Variants in TIGAR observed in about 807,000 individuals in gnomAD.
TIGAR encodes fructose-2,6-bisphosphatase TIGAR.
A neutral mutation model predicts 17.9 loss-of-function variants in TIGAR; 7 were observed. The ratio of observed to expected loss-of-function variants is 0.39; its 90% CI spans 0.22 to 0.73. The LOEUF is 0.73. TIGAR is among the 30% of genes least tolerant of loss of function. TIGAR has a pLI of 0.42. For missense variants in TIGAR, 258 were observed against 327.4 expected, an observed-to-expected ratio of 0.79 and a Z score of 1.64; for synonymous variants, 94 against 108.6, an observed-to-expected ratio of 0.87 and a Z score of 0.84.
chr12:4,354,825 G>A lies in TIGAR; in HGVS notation c.*2134G>A, dbSNP rs1029280293. Among the ~76,000 whole-genome samples, 6 of 149,022 alleles carry A rather than the reference G, an allele frequency of 4.0e-5. No individual in the cohort carries two copies. The highest frequency in any genetic ancestry group is 7.4e-5 in the Non-Finnish European group (5 of 67,558). On this transcript the variant is annotated 3_prime_UTR_variant, in exon 6 of 6. Transcript: ENST00000179259. ...TGGCTCACTGCAACCTCCACCTCTC[G>A]GGTTCAAGCAATTCTTGTGCCTCAG...
In TIGAR at chr12:4,337,194, G is replaced by A. The variant is rs763808613; in HGVS notation, c.192+34G>A. 15 of 1,542,634 alleles carry A rather than the reference G, an allele frequency of 9.7e-6. No individual in the cohort carries two copies. In the Admixed American group the frequency reaches 1.4e-4, roughly 14 times the overall value. Reference sequence around the variant, plus strand: ...ATTTATTTATTTATTTTGAGACAGAGCGTCACTCTATGCCCAGGCTGGAGT... The same window carrying A: ...ATTTATTTATTTATTTTGAGACAGAACGTCACTCTATGCCCAGGCTGGAGT... On this transcript the variant is annotated intron_variant, in intron 3 of 5. Transcript: ENST00000179259.
Position 4,321,389 on chromosome 12 carries a change from T to G in TIGAR, c.32+86T>G. ...TGAAGGGAAAACGGGTCCACCACCC[T>G]CTCCCCTCCCTGCTCGCTCCAGCCC... On this transcript the variant is annotated intron_variant, in intron 1 of 5. Coordinates refer to ENST00000179259, the MANE Select transcript of TIGAR (RefSeq NM_020375.3). This position sits in a 1 kb window ranked among gnomAD's most constrained non-coding sequence, Gnocchi z 5.2. 2 of 1,566,272 alleles carry G rather than the reference T, an allele frequency of 1.3e-6. No homozygotes were observed. Among genetic ancestry groups the G allele is most frequent in the Admixed American group, 3.4e-5 (2 of 59,248 alleles).
chr12:4,329,741 C>T (rs2120652812), intron 1 of TIGAR, among the ~76,000 whole-genome samples: 1 of 152,240 alleles, frequency 6.6e-6, no homozygotes, highest in South Asian at 2.1e-4. Context: ...TTCCAGATGA[C>T]CCTCCCTAGG....
At chr12:4,344,713 A>G (rs1462688764) in intron 3 of TIGAR, among the ~76,000 whole-genome samples, 2 of 152,174 alleles carry the variant, frequency 1.3e-5, no homozygotes, top group African/African-American at 4.8e-5. Context: ...TTAGATATTG[A>G]TGGGAGCTCT....
At chr12:4,324,584 C>G (rs1864518054) in intron 1 of TIGAR, 1 of 1,599,220 alleles carries the variant, frequency 6.3e-7, no homozygotes, top group Non-Finnish European at 8.5e-7. Flanking sequence ...TGCGTCTTCA[C>G]CACTTCCGGC....
At chr12:4,328,553 T>C (rs1399560209) in intron 1 of TIGAR, among the ~76,000 whole-genome samples, 4 of 151,740 alleles carry the variant, frequency 2.6e-5, no homozygotes, top group African/African-American at 9.7e-5. Flanking sequence ...GTTGGTTTTT[T>C]ACCAAGGTAT....
At chr12:4,350,084 C>G (rs147759055) in intron 4 of TIGAR, among the ~76,000 whole-genome samples, 188 bp downstream of exon 4, 1 of 152,014 alleles carries the variant, frequency 6.6e-6, no homozygotes, top group Non-Finnish European at 1.5e-5. Flanking sequence ...TAAAATCAAA[C>G]GAGACAAGCA....
intron 2 of TIGAR, among the ~76,000 whole-genome samples, chr12:4,334,742 A>G (rs1436614263): frequency 6.6e-6 from 1 of 152,220 alleles, no homozygotes; most frequent in Non-Finnish European, 1.5e-5. Context: ...TAGTGGCTTC[A>G]GTCGGTACAC....
At chr12:4,348,247 G>A (rs1864802265) in intron 3 of TIGAR, among the ~76,000 whole-genome samples, 1 of 152,158 alleles carries the variant, frequency 6.6e-6, no homozygotes, top group African/African-American at 2.4e-5. Context: ...GAGAATGGGA[G>A]GAAGAGGTGA....
chr12:4,327,965 C>T (rs911371363), intron 1 of TIGAR, among the ~76,000 whole-genome samples: 5 of 152,036 alleles, frequency 3.3e-5, no homozygotes, highest in East Asian at 3.9e-4. Flanking sequence ...CGCGCCCAGC[C>T]GAGGATGTTA....
intron 3 of TIGAR, among the ~76,000 whole-genome samples, chr12:4,342,346 G>GCA (rs1331598225): frequency 6.6e-6 from 1 of 152,168 alleles, no homozygotes; most frequent in Non-Finnish European, 1.5e-5. Context: ...CCCCAACCTA[G>GCA]CAAGGCAGGC....
Position 4,334,754 on chromosome 12 carries a change from C to G in TIGAR, c.71-2285C>G, listed in dbSNP as rs183387876. Among the ~76,000 whole-genome samples, 349 of 152,320 alleles carry G rather than the reference C, an allele frequency of 2.3e-3. 2 individuals carry two copies. Among genetic ancestry groups the G allele is most frequent in the Middle Eastern group, 0.014 (4 of 294 alleles). ...ACATAGTGGCTTCAGTCGGTACACACTTGTAACTGATGATTCTCTCAGCAC... is the reference window on the plus strand; with the variant it reads ...ACATAGTGGCTTCAGTCGGTACACAGTTGTAACTGATGATTCTCTCAGCAC... On this transcript the variant is annotated intron_variant, in intron 2 of 5. Transcript: ENST00000179259.
chr12:4,350,288 C>T (rs1864824199), intron 4 of TIGAR, among the ~76,000 whole-genome samples: 1 of 152,074 alleles, frequency 6.6e-6, no homozygotes, highest in Non-Finnish European at 1.5e-5. Context: ...TTATTGTAGA[C>T]CTATATATTT....
chr12:4,351,723 C>T (rs1864839993), intron 5 of TIGAR, among the ~76,000 whole-genome samples: 1 of 152,196 alleles, frequency 6.6e-6, no homozygotes, highest in East Asian at 1.9e-4. Flanking sequence ...CAAGCCTCTG[C>T]TGCCTCCTCA....
At position 4,353,259 on chromosome 12, in the gene TIGAR, T is replaced by C. The variant is rs373227378; in HGVS notation, c.*568T>C. The C allele has an allele frequency of 6.6e-6, 1 of 152,400 alleles. No individual in the cohort carries two copies. The highest frequency in any genetic ancestry group is 1.9e-4 in the East Asian group (1 of 5,204). The allele number at this position is 152,400 out of a possible 1,614,324, so 9.4% of individuals were successfully genotyped here. The stretch of plus-strand genomic sequence containing the variant: ...TTGAAATGTGGATGAATACAGATTA[T>C]GATTGCAGAATGGTCTGGGGGAAGA... On this transcript the variant is annotated 3_prime_UTR_variant, in exon 6 of 6. Transcript: ENST00000179259.
At position 4,355,730 on chromosome 12, in the gene TIGAR, G is replaced by A. The variant is rs1054663020; in HGVS notation, c.*3039G>A. On this transcript the variant is annotated 3_prime_UTR_variant, in exon 6 of 6. Coordinates refer to ENST00000179259, the MANE Select transcript of TIGAR (RefSeq NM_020375.3). ...TTTGTTCTGTCAGAGAAGACAGTGT[G>A]TTGGCTCACATTGTGGTCAGTGCTG... Among the ~76,000 whole-genome samples the A allele has an allele frequency of 2.0e-5, 3 of 152,214 alleles. No individual in the cohort carries two copies. The highest frequency in any genetic ancestry group is 6.5e-5 in the Admixed American group (1 of 15,282).
At chr12:4,323,099 C>T (rs947195615) in intron 1 of TIGAR, among the ~76,000 whole-genome samples, 1 of 143,934 alleles carries the variant, frequency 6.9e-6, no homozygotes, top group Non-Finnish European at 1.5e-5. Context: ...AACCTCCTCT[C>T]TACAAAAAAA....
Position 4,355,615 on chromosome 12 carries a change from T to TG in TIGAR, c.*2925dup, listed in dbSNP as rs1156414026. Among the ~76,000 whole-genome samples, 1 of 152,260 alleles carries TG rather than the reference T, an allele frequency of 6.6e-6. No homozygotes were observed. Among genetic ancestry groups the TG allele is most frequent in the African/African-American group, 2.4e-5 (1 of 41,470 alleles). ...GTATTTTTTGAGCATGGCACACACA[T>TG]GCCAGGCTATTTTAAGAACTACTAC... is the stretch of plus-strand genomic sequence containing the variant. On this transcript the variant is annotated 3_prime_UTR_variant, in exon 6 of 6. Transcript: ENST00000179259.
intron 3 of TIGAR, among the ~76,000 whole-genome samples, chr12:4,345,401 C>T (rs1404785075): frequency 2.0e-5 from 3 of 152,080 alleles, no homozygotes; most frequent in African/African-American, 4.8e-5. Context: ...GTACTGGTAC[C>T]AAAACAGAGA....
Sources: gnomAD v4.1 joint callset for allele counts (sites outside exome capture counted in the v4.1 genomes callset) on GRCh38, gnomAD v4.1.1 for gene constraint, Gnocchi (gnomAD v3.1) non-coding constraint, MANE v1.5 for transcripts, NCBI Gene and HGNC (gene_info 2026-07-23, HGNC 2026-07-21) for gene names.